The following OCIAD1 variants were observed in gnomAD, a reference collection of about 807,000 sequenced individuals.
The protein encoded by OCIAD1 is OCIA domain containing 1, also known as OCIA domain-containing protein 1.
OCIAD1 carries 29 observed loss-of-function variants against 38.9 expected under a neutral mutation model. The ratio of observed to expected loss-of-function variants is 0.74; its 90% CI spans 0.55 to 1.02. The LOEUF (loss-of-function observed/expected upper bound fraction) is 1.02, where lower values mean the gene tolerates loss of function less well. Ranked by LOEUF, OCIAD1 falls within the 50% of genes least tolerant of loss-of-function variation. The pLI is 0.00. For missense variants in OCIAD1, 288 were observed against 289.6 expected (o/e 0.99, Z 0.04); for synonymous variants, 110 against 92.0 (o/e 1.20, Z -1.12).
At chr4:48,811,907 G>C (rs1777092124) in intron 1 of OCIAD1, among the ~76,000 whole-genome samples, 1 of 152,048 alleles carries the variant, frequency 6.6e-6, no homozygotes. Context: ...TTTGGTTTGA[G>C]GTATGTAAAG....
intron 3 of OCIAD1, 137 bp from the exon 4 acceptor site, chr4:48,842,499 A>G (rs749142559): frequency 1.7e-4 from 110 of 630,038 alleles, no homozygotes; most frequent in Non-Finnish European, 1.9e-5. Flanking sequence ...GCTTTTAAAA[A>G]TGGAACAGTC....
upstream of OCIAD1, among the ~76,000 whole-genome samples, chr4:48,829,665 T>C (rs1309221885): frequency 6.6e-6 from 1 of 152,194 alleles, no homozygotes; most frequent in African/African-American, 2.4e-5. Flanking sequence ...AAAAGCCACG[T>C]TGAACATCTG....
intron 2 of OCIAD1, 89 bp from the exon 3 acceptor site, chr4:48,833,312 C>T (rs1254590911): frequency 5.3e-6 from 4 of 753,678 alleles, no homozygotes; most frequent in Non-Finnish European, 9.0e-6. Context: ...AAAATGGGTG[C>T]CTCTTGTTAA....
At chr4:48,843,877 G>C (rs879659589) in intron 4 of OCIAD1, among the ~76,000 whole-genome samples, 1 of 152,170 alleles carries the variant, frequency 6.6e-6, no homozygotes, top group African/African-American at 2.4e-5. Context: ...TATGCAGAAG[G>C]TTACACAAAA....
chr4:48,838,882 C>T (rs184885840), intron 3 of OCIAD1, among the ~76,000 whole-genome samples: 1 of 152,218 alleles, frequency 6.6e-6, no homozygotes, highest in East Asian at 1.9e-4. Context: ...TGAAATATAA[C>T]TATGAAGGCA....
intron 1 of OCIAD1, among the ~76,000 whole-genome samples, chr4:48,823,414 G>T (rs912432780): frequency 1.3e-5 from 2 of 151,980 alleles, no homozygotes; most frequent in Non-Finnish European, 2.9e-5. Context: ...GGCAAAGGGA[G>T]GGAGAGCGTT....
chr4:48,852,889 T>TG, intron 7 of OCIAD1, among the ~76,000 whole-genome samples: 1 of 42,352 alleles, frequency 2.4e-5, no homozygotes, highest in Non-Finnish European at 5.3e-5. Context: ...TTTGTTTTTT[T>TG]TTTTTTTTTT....
chr4:48,830,816 A>G (rs1329043728), upstream of OCIAD1: 1 of 152,450 alleles, frequency 6.6e-6, no homozygotes, highest in Non-Finnish European at 1.5e-5. Flanking sequence ...AGCCGCCACG[A>G]GAAGACCAGA....
chr4:48,837,698 A>C (rs1175563674), intron 3 of OCIAD1, among the ~76,000 whole-genome samples: 1 of 151,250 alleles, frequency 6.6e-6, no homozygotes, highest in African/African-American at 2.4e-5. Flanking sequence ...GATAGGATAA[A>C]ATGATCTATT....
intron 1 of OCIAD1, among the ~76,000 whole-genome samples, chr4:48,815,768 C>G (rs1169042810): frequency 1.3e-5 from 2 of 152,156 alleles, no homozygotes; most frequent in African/African-American, 4.8e-5. Flanking sequence ...CTTTCACTTC[C>G]CATCGCCTCT....
chr4:48,834,798 G>A (rs1197789215), intron 3 of OCIAD1, among the ~76,000 whole-genome samples: 1 of 152,060 alleles, frequency 6.6e-6, no homozygotes. Flanking sequence ...GAAAAAAAGG[G>A]CAACTTAAGC....
intron 7 of OCIAD1, among the ~76,000 whole-genome samples, chr4:48,852,967 C>T (rs1466761922): frequency 4.1e-5 from 6 of 148,030 alleles, no homozygotes; most frequent in African/African-American, 1.0e-4. Context: ...CTGCAACCTC[C>T]GCCCCCCCAG....
In OCIAD1 at chr4:48,861,168, A is replaced by G. The variant is rs1301725070; in HGVS notation, c.*406A>G. The G allele has an allele frequency of 6.2e-6, 1 of 162,558 alleles. No homozygotes were observed. Among genetic ancestry groups the G allele is most frequent in the Non-Finnish European group, 1.3e-5 (1 of 75,280 alleles). 10.1% of individuals were successfully genotyped at this position (162,558 alleles called of 1,614,324 possible). On this transcript the variant is annotated 3_prime_UTR_variant, in exon 9 of 9. Coordinates refer to ENST00000264312, the MANE Select transcript of OCIAD1 (RefSeq NM_017830.4). ...TAAGTGTGAAGCTTTGCATCAAGAA[A>G]TTATTAAAAAGCTTTTTTTCTCCAG...
intron 7 of OCIAD1, among the ~76,000 whole-genome samples, chr4:48,854,375 T>C (rs1475435431): frequency 1.3e-5 from 2 of 152,180 alleles, no homozygotes; most frequent in African/African-American, 4.8e-5. Context: ...ATTTAAAATT[T>C]ATGAACTGTT....
chr4:48,825,029 G>A (rs746001803), intron 1 of OCIAD1, among the ~76,000 whole-genome samples: 9 of 152,274 alleles, frequency 5.9e-5, no homozygotes, highest in East Asian at 1.9e-4. Flanking sequence ...GAGCCACTGC[G>A]CCTGGCTGGA....
chr4:48,810,513 G>A (rs931066794), intron 1 of OCIAD1, among the ~76,000 whole-genome samples: 11 of 147,272 alleles, frequency 7.5e-5, no homozygotes, highest in African/African-American at 2.7e-4. Context: ...TTGCTGCATT[G>A]TCCAGGCAGA....
In OCIAD1 at chr4:48,857,266, G is replaced by A. The variant is rs1480938523; in HGVS notation, c.601G>A (p.Glu201Lys). ...SPKRKNITYE[E>K]LRNKNRESYE... ...TAAAAGAAAAAATATTACATATGAGGAATTAAGGAATAAGAACAGAGAGTC... is the reference window on the plus strand; with the variant it reads ...TAAAAGAAAAAATATTACATATGAGAAATTAAGGAATAAGAACAGAGAGTC... The change falls in exon 8 of 9, where the codon GAA (glutamate) becomes AAA (lysine). Residue 201 changes from glutamate (E) to lysine (K), a missense_variant. Transcript: ENST00000264312. The A allele has an allele frequency of 3.1e-6, 5 of 1,589,430 alleles. No individual in the cohort carries two copies. Among genetic ancestry groups the A allele is most frequent in the Admixed American group, 1.7e-5 (1 of 57,310 alleles).
intron 1 of OCIAD1, among the ~76,000 whole-genome samples, chr4:48,832,084 GT>G (rs1270194174): frequency 6.6e-6 from 1 of 152,182 alleles, no homozygotes; most frequent in Non-Finnish European, 1.5e-5. Context: ...TTTGCTGTTA[GT>G]TTTACCTCAC....
intron 1 of OCIAD1, among the ~76,000 whole-genome samples, chr4:48,821,774 T>C (rs1777196969): frequency 1.3e-5 from 2 of 152,196 alleles, no homozygotes; most frequent in South Asian, 4.1e-4. Context: ...AGCTAAATCA[T>C]GAGTGAACTC....
Sources: gnomAD v4.1 joint callset for allele counts (sites outside exome capture counted in the v4.1 genomes callset) on GRCh38, gnomAD v4.1.1 for gene constraint, MANE v1.5 for transcripts, NCBI Gene and HGNC (gene_info 2026-07-23, HGNC 2026-07-21) for gene names.